CNTNAP4: variants seen among roughly 807,000 people sequenced by gnomAD.
The protein encoded by CNTNAP4 is contactin-associated protein-like 4.
In CNTNAP4, 98 loss-of-function variants were observed where a neutral mutation model predicts 148.4. That is an observed-to-expected ratio of 0.66 (90% CI 0.56 to 0.78). CNTNAP4 has a LOEUF of 0.78. CNTNAP4 is among the 30% of genes least tolerant of loss of function. The pLI is 0.00. For missense variants in CNTNAP4, 1,935 were observed against 1,565.6 expected (o/e 1.24, Z -3.98); for synonymous variants, 730 against 565.1 (o/e 1.29, Z -4.14).
At chr16:76,300,290 A>T (rs909487843) in intron 1 of CNTNAP4, among the ~76,000 whole-genome samples, 2 of 152,170 alleles carry the variant, frequency 1.3e-5, no homozygotes, top group African/African-American at 4.8e-5. Context: ...CATCATGTCC[A>T]CATAGCACAA....
intron 13 of CNTNAP4, among the ~76,000 whole-genome samples, chr16:76,490,512 C>T (rs956587526): frequency 1.4e-5 from 2 of 147,502 alleles, no homozygotes; most frequent in South Asian, 2.2e-4. Context: ...ATCTGCCTTA[C>T]AGTAAGCCTT....
intron 8 of CNTNAP4, among the ~76,000 whole-genome samples, chr16:76,455,484 A>G (rs575503377): frequency 6.6e-6 from 1 of 152,296 alleles, no homozygotes; most frequent in African/African-American, 2.4e-5. Flanking sequence ...ATTTTTGTCA[A>G]TCCACCTTCC....
At chr16:76,369,185 A>T (rs2014510996) in intron 3 of CNTNAP4, among the ~76,000 whole-genome samples, 1 of 152,188 alleles carries the variant, frequency 6.6e-6, no homozygotes, top group African/African-American at 2.4e-5. Context: ...AACATTTGAA[A>T]CTGCAATATT....
At chr16:76,326,989 A>G (rs1293045212) in intron 2 of CNTNAP4, among the ~76,000 whole-genome samples, 4 of 152,160 alleles carry the variant, frequency 2.6e-5, no homozygotes, top group Admixed American at 1.3e-4. Context: ...AAACCAAAAA[A>G]GCTCATTCAC....
chr16:76,292,931 G>C (rs960904045), intron 1 of CNTNAP4, among the ~76,000 whole-genome samples: 1 of 152,102 alleles, frequency 6.6e-6, no homozygotes, highest in Non-Finnish European at 1.5e-5. Flanking sequence ...GAGTGAATAT[G>C]ATTCTGTAAA....
At chr16:76,308,830 T>A (rs558453119) in intron 1 of CNTNAP4, among the ~76,000 whole-genome samples, 65 of 152,250 alleles carry the variant, frequency 4.3e-4, no homozygotes, top group African/African-American at 1.6e-3. Context: ...TTTTTATTTT[T>A]AATTTTATTT....
rs2079574959 is a variant in CNTNAP4, at chr16:76,430,693, C to T, written c.538+3094C>T. On this transcript the variant is annotated intron_variant, in intron 4 of 23. Transcript: ENST00000611870. ...TCCCCTGTCTGTGCCTCCTCATCTG[C>T]ACCAAATTAACGTGACTCAGGTGCG... 2.0e-5 allele frequency among the ~76,000 whole-genome samples: 3 copies of T among 152,186 alleles called. No homozygotes were observed. The South Asian group carries it at 6.2e-4, about 32-fold the overall frequency.
At chr16:76,520,270 T>C (rs962503037) in intron 15 of CNTNAP4, among the ~76,000 whole-genome samples, 1 of 152,316 alleles carries the variant, frequency 6.6e-6, no homozygotes, top group African/African-American at 2.4e-5. Context: ...CATTTATATT[T>C]GATTTTCCAT....
chr16:76,379,156 G>A (rs745725798), intron 3 of CNTNAP4, among the ~76,000 whole-genome samples: 2 of 152,222 alleles, frequency 1.3e-5, no homozygotes, highest in East Asian at 1.9e-4. Flanking sequence ...AACTGAATCC[G>A]AGTCCTACTT....
At chr16:76,390,321 C>G (rs1379295582) in intron 3 of CNTNAP4, among the ~76,000 whole-genome samples, 1 of 152,180 alleles carries the variant, frequency 6.6e-6, no homozygotes, top group Non-Finnish European at 1.5e-5. Context: ...TCTATTGTAG[C>G]TAATCTGGTG....
chr16:76,447,338 G>GTATATATATATATGAAATTATATA lies in CNTNAP4; in HGVS notation c.539-666_539-643dup, dbSNP rs1555559367. Among the ~76,000 whole-genome samples, 11 of 117,390 alleles carry GTATATATATATATGAAATTATATA rather than the reference G, an allele frequency of 9.4e-5. 1 individual carries two copies. The highest frequency in any genetic ancestry group is 2.4e-4 in the African/African-American group (9 of 37,684). 77.0% of individuals were successfully genotyped at this position (117,390 alleles called of 152,430 possible). A position where few individuals can be genotyped will look rare whatever the true frequency, so the allele number is the denominator to read the frequency against. On this transcript the variant is annotated intron_variant, in intron 4 of 23. Transcript: ENST00000611870. Reference sequence around the variant, plus strand: ...TGAAAAATTATATATATGAAATTATGTATATATATATATGAAATTATATAT... The same window carrying GTATATATATATATGAAATTATATA: ...TGAAAAATTATATATATGAAATTATGTATATATATATATGAAATTATATATATATATATATATGAAATTATATAT...
At chr16:76,437,610 A>G (rs1033937847) in intron 4 of CNTNAP4, among the ~76,000 whole-genome samples, 6 of 152,112 alleles carry the variant, frequency 3.9e-5, no homozygotes, top group Admixed American at 1.3e-4. Context: ...AAAAAGCCCC[A>G]TTGATCACCT....
At chr16:76,542,745 T>C (rs1295198059) in intron 21 of CNTNAP4, among the ~76,000 whole-genome samples, 2 of 152,208 alleles carry the variant, frequency 1.3e-5, no homozygotes, top group Non-Finnish European at 1.5e-5. Context: ...ATTTACAGAA[T>C]TAAAAATATG....
intron 15 of CNTNAP4, among the ~76,000 whole-genome samples, chr16:76,512,930 A>G (rs7190016): frequency 0.83 from 126,887 of 152,122 alleles, 53,945 homozygotes; most frequent in East Asian, 0.97. Flanking sequence ...CTTTAGCAAC[A>G]TGGATGTTAT....
intron 3 of CNTNAP4, among the ~76,000 whole-genome samples, chr16:76,384,545 C>T (rs1052088476): frequency 2.6e-5 from 4 of 152,142 alleles, no homozygotes; most frequent in East Asian, 1.9e-4. Flanking sequence ...TTGTGACTGA[C>T]TTGCTTTTCA....
intron 10 of CNTNAP4, among the ~76,000 whole-genome samples, chr16:76,471,172 G>T (rs2081361163): frequency 2.0e-5 from 3 of 151,990 alleles, no homozygotes; most frequent in Non-Finnish European, 4.4e-5. Flanking sequence ...ACATGCAGTG[G>T]GGTGGCCCTC....
intron 21 of CNTNAP4, among the ~76,000 whole-genome samples, chr16:76,545,825 CAGG>C (rs2084698504): frequency 6.6e-6 from 1 of 152,142 alleles, no homozygotes; most frequent in Admixed American, 6.5e-5. Flanking sequence ...ATCACGACGT[CAGG>C]AGATTGAGAT....
At chr16:76,341,212 C>G (rs1015653081) in intron 2 of CNTNAP4, among the ~76,000 whole-genome samples, 12 of 152,094 alleles carry the variant, frequency 7.9e-5, no homozygotes, top group Admixed American at 1.3e-4. Context: ...GAGTCTTTAC[C>G]TCTTTTCTGT....
rs752894211 is a variant in CNTNAP4, at chr16:76,522,269, T to C, written c.2755+12T>C. On this transcript the variant is annotated intron_variant, in intron 17 of 23. Coordinates refer to ENST00000611870, the MANE Select transcript of CNTNAP4 (RefSeq NM_033401.5). Reference sequence around the variant, plus strand: ...TCAGCTCTTCGTGGGTAAGTTCTCTTTTTAAGCAATCATTTTATTGTATGA... The same window carrying C: ...TCAGCTCTTCGTGGGTAAGTTCTCTCTTTAAGCAATCATTTTATTGTATGA... 60 of 1,609,506 alleles carry C rather than the reference T, an allele frequency of 3.7e-5. No homozygotes were observed. Among genetic ancestry groups the C allele is most frequent in the Non-Finnish European group, 4.6e-5 (54 of 1,176,706 alleles).
Sources: gnomAD v4.1 joint callset for allele counts (sites outside exome capture counted in the v4.1 genomes callset) on GRCh38, gnomAD v4.1.1 for gene constraint, MANE v1.5 for transcripts, NCBI Gene and HGNC (gene_info 2026-07-23, HGNC 2026-07-21) for gene names.